The following LINGO2 variants were observed in gnomAD, a reference collection of about 807,000 sequenced individuals.
The protein encoded by LINGO2 is leucine rich repeat and Ig domain containing 2.
LINGO2 carries 14 observed loss-of-function variants against 30.6 expected under a neutral mutation model. The observed-to-expected ratio is 0.46, with a 90% CI of 0.30 to 0.72. The LOEUF (loss-of-function observed/expected upper bound fraction) is 0.72, where lower values mean the gene tolerates loss of function less well. LINGO2 is among the 30% of genes least tolerant of loss of function. The pLI is 0.07. For missense variants in LINGO2, 729 were observed against 751.7 expected, an observed-to-expected ratio of 0.97 and a Z score of 0.35; for synonymous variants, 317 against 288.5, an observed-to-expected ratio of 1.10 and a Z score of -1.00.
chr9:29,160,062 A>G, the LINGO2 span, among the ~76,000 whole-genome samples: 2 of 152,218 alleles, frequency 1.3e-5, no homozygotes, highest in African/African-American at 4.8e-5. Context: ...ATAGTTTTCA[A>G]TCTTTATAGT....
intron 3 of LINGO2, among the ~76,000 whole-genome samples, 180 bp from the exon 6 acceptor site, chr9:28,295,546 A>G (rs1452554187): frequency 6.6e-6 from 1 of 152,130 alleles, no homozygotes; most frequent in Non-Finnish European, 1.5e-5. Flanking sequence ...TGTGCTACAA[A>G]AGGTGTTTTT....
the LINGO2 span, among the ~76,000 whole-genome samples, chr9:28,921,158 G>T: frequency 1.1e-3 from 160 of 152,202 alleles, no homozygotes; most frequent in African/African-American, 3.3e-3. Flanking sequence ...TGAGAAAAAA[G>T]ATGTTAAACA....
intron 4 of LINGO2, among the ~76,000 whole-genome samples, chr9:28,062,405 T>C (rs1339854636): frequency 6.8e-6 from 1 of 146,694 alleles, no homozygotes; most frequent in African/African-American, 2.6e-5. Flanking sequence ...GTATATCACA[T>C]ATATACTATA....
intron 1 of LINGO2, among the ~76,000 whole-genome samples, chr9:28,517,324 C>G (rs1820659866): frequency 6.6e-6 from 1 of 152,128 alleles, no homozygotes; most frequent in Non-Finnish European, 1.5e-5. Flanking sequence ...TGTGAGATTC[C>G]TCTTTTCTCT....
chr9:28,893,501 T>A, the LINGO2 span, among the ~76,000 whole-genome samples: 3 of 151,974 alleles, frequency 2.0e-5, no homozygotes, highest in Non-Finnish European at 4.4e-5. Flanking sequence ...AAATTGTCCA[T>A]CAGAAAGGCA....
intron 4 of LINGO2, among the ~76,000 whole-genome samples, chr9:28,087,619 T>C (rs763106347): frequency 6.6e-6 from 1 of 151,984 alleles, no homozygotes; most frequent in Non-Finnish European, 1.5e-5. Flanking sequence ...TCCCTATGTG[T>C]GGTGTTCAGC....
intron 5 of LINGO2, among the ~76,000 whole-genome samples, chr9:27,986,000 G>A (rs1386002167): frequency 2.6e-5 from 4 of 151,762 alleles, no homozygotes; most frequent in African/African-American, 7.3e-5. Flanking sequence ...ACAAAGGAGA[G>A]GCAATGTTAT....
intron 2 of LINGO2, among the ~76,000 whole-genome samples, chr9:28,376,647 C>T (rs1057106408): frequency 6.6e-6 from 1 of 152,138 alleles, no homozygotes; most frequent in South Asian, 2.1e-4. Flanking sequence ...CTACAAAGAC[C>T]GGACTCCCTT....
chr9:28,009,006 C>T (rs889116698), intron 5 of LINGO2, among the ~76,000 whole-genome samples: 3 of 152,136 alleles, frequency 2.0e-5, no homozygotes, highest in African/African-American at 7.2e-5. Context: ...TTACCGATTT[C>T]AAAATTTACT....
the LINGO2 span, among the ~76,000 whole-genome samples, chr9:28,904,157 G>T: frequency 9.4e-6 from 1 of 106,772 alleles, no homozygotes; most frequent in South Asian, 2.9e-4. Flanking sequence ...CAAAATTCAG[G>T]ATCCTTTTAT....
At position 28,297,622 on chromosome 9, in the gene LINGO2, A is replaced by G. The variant is rs10968462; in HGVS notation, c.-245-2256T>C. ...ATTCATGAGGTTTGTCAGTGAGTAG[A>G]GCACTATAGGCCAAGGGAAAATCTA... On this transcript the variant is annotated intron_variant, in intron 3 of 5. Transcript: ENST00000379992. Among the ~76,000 whole-genome samples the G allele has an allele frequency of 0.016, 2,451 of 152,288 alleles. 145 individuals carry two copies. In the East Asian group the frequency reaches 0.2, roughly 12 times the overall value.
chr9:28,815,133 A>C, the LINGO2 span, among the ~76,000 whole-genome samples: 1 of 152,212 alleles, frequency 6.6e-6, no homozygotes, highest in Non-Finnish European at 1.5e-5. Context: ...GCCCTTTCTG[A>C]GATGTAGATA....
the LINGO2 span, among the ~76,000 whole-genome samples, chr9:29,211,314 C>T: frequency 1.1e-4 from 17 of 152,288 alleles, no homozygotes; most frequent in South Asian, 3.5e-3. Context: ...ATTGCTTAGA[C>T]ACACTCATCA....
At chr9:28,959,521 C>G in the LINGO2 span, among the ~76,000 whole-genome samples, 1 of 151,278 alleles carries the variant, frequency 6.6e-6, no homozygotes, top group East Asian at 2.0e-4. Context: ...AAAAATGATT[C>G]AAGAAACAAG....
At chr9:28,456,741 G>A (rs1343213614) in intron 2 of LINGO2, among the ~76,000 whole-genome samples, 1 of 152,068 alleles carries the variant, frequency 6.6e-6, no homozygotes, top group Non-Finnish European at 1.5e-5. Context: ...TTGCTAATTT[G>A]AAGCTTCTAG....
intron 4 of LINGO2, among the ~76,000 whole-genome samples, chr9:28,146,431 ATATTGATTG>A (rs1408237129): frequency 6.6e-6 from 1 of 152,238 alleles, no homozygotes; most frequent in East Asian, 1.9e-4. Flanking sequence ...GAAAGTACAA[ATATTGATTG>A]TGGTTTGGTA....
the LINGO2 span, among the ~76,000 whole-genome samples, chr9:28,990,274 A>G: frequency 0.12 from 18,477 of 152,188 alleles, 1,103 homozygotes; most frequent in South Asian, 0.16. Context: ...TCTGAGATCA[A>G]ACTGCAAGGC....
intron 3 of LINGO2, among the ~76,000 whole-genome samples, chr9:28,312,737 C>T (rs1377784805): frequency 6.6e-6 from 1 of 152,068 alleles, no homozygotes; most frequent in East Asian, 1.9e-4. Context: ...CATATGCCAA[C>T]ATGAAATAAA....
rs1365997395 is a variant in LINGO2 at position 28,242,327 on chromosome 9, A to C, written c.-87+52881T>G. On this transcript the variant is annotated intron_variant, in intron 4 of 5. Transcript: ENST00000379992. ...ATAGCATGAGAACTTCGTGAACCAT[A>C]CACAAGTATAAATAGCAGAATTGAT... 5.3e-5 allele frequency among the ~76,000 whole-genome samples: 8 copies of C among 152,342 alleles called. No individual in the cohort carries two copies. In the East Asian group the frequency reaches 1.5e-3, roughly 29 times the overall value.
Sources: gnomAD v4.1 joint callset for allele counts (sites outside exome capture counted in the v4.1 genomes callset) on GRCh38, gnomAD v4.1.1 for gene constraint, MANE v1.5 for transcripts, NCBI Gene and HGNC (gene_info 2026-07-23, HGNC 2026-07-21) for gene names.